Variants in UBE3C observed in about 807,000 individuals in gnomAD.
UBE3C encodes the protein ubiquitin protein ligase E3C.
UBE3C carries 42 observed loss-of-function variants against 129.4 expected under a neutral mutation model. The observed-to-expected ratio is 0.32, with a 90% CI of 0.25 to 0.42. The LOEUF (loss-of-function observed/expected upper bound fraction) is 0.42, where lower values mean the gene tolerates loss of function less well. Among genes scored for constraint, UBE3C ranks in the 10% least tolerant of loss-of-function variants. UBE3C has a pLI of 1.00. For missense variants in UBE3C, 1,049 were observed against 1,319.1 expected (o/e 0.80, Z 3.17); for synonymous variants, 510 against 492.4 (o/e 1.04, Z -0.47).
At chr7:157,181,741 G>A in intron 7 of UBE3C, 70 bp downstream of exon 7, 1 of 1,537,206 alleles carries the variant, frequency 6.5e-7, no homozygotes, top group East Asian at 2.3e-5. Flanking sequence ...CTTTTACATA[G>A]GATGTGATTT....
At chr7:157,185,833 G>T (rs1486991711) in intron 9 of UBE3C, among the ~76,000 whole-genome samples, 1 of 152,096 alleles carries the variant, frequency 6.6e-6, no homozygotes, top group Non-Finnish European at 1.5e-5. Flanking sequence ...AGGTTTGACA[G>T]ATGAATTTAC....
At chr7:157,193,423 T>C (rs1272711678) in intron 10 of UBE3C, among the ~76,000 whole-genome samples, 1 of 152,204 alleles carries the variant, frequency 6.6e-6, no homozygotes, top group Non-Finnish European at 1.5e-5. Context: ...TGTGGTGGCC[T>C]TGACTCCTTG....
At chr7:157,217,001 T>C in intron 14 of UBE3C, 30 bp downstream of exon 14, 4 of 1,523,550 alleles carry the variant, frequency 2.6e-6, no homozygotes, top group Non-Finnish European at 3.6e-6. Flanking sequence ...TTAATATTTA[T>C]CATTAAAAAA....
intron 22 of UBE3C, among the ~76,000 whole-genome samples, chr7:157,264,691 C>T (rs1797029510): frequency 1.3e-5 from 2 of 152,186 alleles, no homozygotes; most frequent in African/African-American, 4.8e-5. Context: ...GCCTCAGCCT[C>T]CCGAGTAATT....
rs201354218 is a variant in UBE3C, at chr7:157,188,949, G to C, written c.1331+1928G>C. The C allele has an allele frequency of 5.9e-4, 395 of 673,158 alleles. 1 individual carries two copies. Among genetic ancestry groups the C allele is most frequent in the Non-Finnish European group, 8.3e-4 (306 of 367,604 alleles). 41.7% of individuals were successfully genotyped at this position (673,158 alleles called of 1,614,324 possible). ...ATTTCTGTTTAACACTGATTGTCAG[G>C]GTGTACAAATGAATGTGGAGACCTT... On this transcript the variant is annotated intron_variant, in intron 10 of 22. Transcript: ENST00000348165.
intron 2 of UBE3C, chr7:157,164,339 CATAG>C: frequency 2.2e-6 from 1 of 456,306 alleles, no homozygotes; most frequent in South Asian, 1.5e-5. Flanking sequence ...AAGATTTTTA[CATAG>C]ATAGGGTCTT....
intron 1 of UBE3C, among the ~76,000 whole-genome samples, chr7:157,146,013 C>G (rs1477689742): frequency 1.3e-5 from 2 of 152,050 alleles, no homozygotes; most frequent in African/African-American, 4.8e-5. Flanking sequence ...TAGATTTTCT[C>G]GTATTTTCTA....
At chr7:157,202,395 G>T (rs1369165506) in intron 11 of UBE3C, among the ~76,000 whole-genome samples, 1 of 152,176 alleles carries the variant, frequency 6.6e-6, no homozygotes, top group Non-Finnish European at 1.5e-5. Context: ...GGTGGCTCAC[G>T]CCTGTAATTC....
At chr7:157,176,918 C>T (rs543433876) in intron 5 of UBE3C, among the ~76,000 whole-genome samples, 24 of 152,256 alleles carry the variant, frequency 1.6e-4, no homozygotes, top group African/African-American at 4.8e-4. Flanking sequence ...GTTAGTAAGT[C>T]GACAGTCTTA....
At chr7:157,178,587 G>A (rs530355420) in intron 5 of UBE3C, 103 bp from the exon 6 acceptor site, 10 of 1,178,628 alleles carry the variant, frequency 8.5e-6, no homozygotes, top group South Asian at 6.0e-5. Flanking sequence ...AGATAATCTT[G>A]TACTGGAATA....
chr7:157,234,413 CG>C (rs2116645357), intron 18 of UBE3C, among the ~76,000 whole-genome samples: 1 of 152,302 alleles, frequency 6.6e-6, no homozygotes, highest in Non-Finnish European at 1.5e-5. Flanking sequence ...TGACCGTACA[CG>C]TAACACTCTG....
chr7:157,155,967 A>G (rs1293431840), intron 1 of UBE3C, among the ~76,000 whole-genome samples: 1 of 152,214 alleles, frequency 6.6e-6, no homozygotes, highest in African/African-American at 2.4e-5. Flanking sequence ...CGGGTTCTAC[A>G]TCTGCATAAT....
At chr7:157,193,822 T>TA (rs1809042298) in intron 10 of UBE3C, among the ~76,000 whole-genome samples, 4 of 152,292 alleles carry the variant, frequency 2.6e-5, no homozygotes, top group African/African-American at 9.6e-5. Flanking sequence ...ACTGCAGTAG[T>TA]AAAAATAATT....
chr7:157,231,295 C>CATTACTA lies in UBE3C; in HGVS notation c.2450_2456dup (p.Tyr819Ter). On this transcript the variant is annotated stop_gained and frameshift_variant, in exon 18 of 23. Transcript: ENST00000348165. LOFTEE classifies it high-confidence loss of function. Reference sequence around the variant, plus strand: ...GCTTGTGGGAGATTCTTTTGCCAGACATTACTACTTCCTAGGCAGAATGCT... The same window carrying CATTACTA: ...GCTTGTGGGAGATTCTTTTGCCAGACATTACTAATTACTACTTCCTAGGCAGAATGCT... 6.2e-7 allele frequency: 1 copy of CATTACTA among 1,614,132 alleles called. No homozygotes were observed. The highest frequency in any genetic ancestry group is 8.5e-7 in the Non-Finnish European group (1 of 1,180,032).
At position 157,170,441 on chromosome 7, in the gene UBE3C, A is replaced by T. The variant is rs1348633611; in HGVS notation, c.333A>T (p.Ser111=). Residue 111 remains serine, a synonymous_variant, in exon 4 of 23, where the codon TCA becomes TCT. Coordinates refer to ENST00000348165, the MANE Select transcript of UBE3C (RefSeq NM_014671.3). ...LLFFYKQNED[S]KRLIWLYQNL... is the part of the protein sequence containing the mutation. Reference sequence around the variant, plus strand: ...TTTTTTACAAACAAAATGAAGACTCAAAACGTTTGGTGAGTGTTAACTACA... The same window carrying T: ...TTTTTTACAAACAAAATGAAGACTCTAAACGTTTGGTGAGTGTTAACTACA... 1 of 1,551,944 alleles carries T rather than the reference A, an allele frequency of 6.4e-7. No individual in the cohort carries two copies. Among genetic ancestry groups the T allele is most frequent in the East Asian group, 2.4e-5 (1 of 41,576 alleles).
intron 18 of UBE3C, among the ~76,000 whole-genome samples, chr7:157,240,969 C>T (rs1796304103): frequency 6.6e-6 from 1 of 152,094 alleles, no homozygotes; most frequent in South Asian, 2.1e-4. Context: ...AATTAAGGGG[C>T]AGTGACTGAA....
intron 18 of UBE3C, among the ~76,000 whole-genome samples, chr7:157,232,489 A>G (rs978795980): frequency 1.3e-5 from 2 of 152,102 alleles, no homozygotes; most frequent in Non-Finnish European, 2.9e-5. Context: ...CTCCTGAACA[A>G]CAGGTGTGCA....
chr7:157,181,440 AG>A (rs1246088064), intron 6 of UBE3C, 77 bp from the exon 7 acceptor site: 1 of 1,315,262 alleles, frequency 7.6e-7, no homozygotes, highest in African/African-American at 1.5e-5. Flanking sequence ...GATGGTTAAA[AG>A]CATTTAAAAA....
At chr7:157,255,537 T>G (rs1796730199) in intron 21 of UBE3C, among the ~76,000 whole-genome samples, 1 of 152,210 alleles carries the variant, frequency 6.6e-6, no homozygotes, top group African/African-American at 2.4e-5. Context: ...GGTCATAAGT[T>G]TAAGGAAATG....
Sources: allele counts gnomAD v4.1 joint callset (sites outside exome capture counted in the v4.1 genomes callset), GRCh38; gene constraint gnomAD v4.1.1; transcripts MANE v1.5; gene names NCBI Gene and HGNC (gene_info 2026-07-23, HGNC 2026-07-21).